The following CNTNAP5 variants were observed in gnomAD, a reference collection of about 807,000 sequenced individuals.
CNTNAP5 encodes contactin associated protein family member 5.
Under a neutral mutation model 150.2 loss-of-function variants are expected in CNTNAP5, and 72 were observed. That is an observed-to-expected ratio of 0.48 (90% CI 0.40 to 0.58). The LOEUF is 0.58. Among genes scored for constraint, CNTNAP5 ranks in the 20% least tolerant of loss-of-function variants. The pLI, the probability that CNTNAP5 is intolerant of heterozygous loss-of-function variation, is 0.00. For synonymous variants in CNTNAP5, 672 were observed against 619.8 expected (o/e 1.08, Z -1.25); for missense variants, 1,636 against 1,626.2 (o/e 1.01, Z -0.10).
At chr2:124,073,203 A>G (rs955474124) in intron 1 of CNTNAP5, among the ~76,000 whole-genome samples, 4 of 152,038 alleles carry the variant, frequency 2.6e-5, no homozygotes, top group African/African-American at 9.7e-5. Flanking sequence ...TACGCAAAAA[A>G]TCCAATCAAA....
At chr2:124,568,497 A>G (rs1050796353) in intron 11 of CNTNAP5, among the ~76,000 whole-genome samples, 9 of 152,370 alleles carry the variant, frequency 5.9e-5, no homozygotes, top group Middle Eastern at 3.4e-3. Flanking sequence ...ACTTTCCCCT[A>G]GAGAATACTG....
chr2:124,128,488 T>G (rs548544697), intron 1 of CNTNAP5, among the ~76,000 whole-genome samples: 12 of 152,324 alleles, frequency 7.9e-5, no homozygotes, highest in Admixed American at 2.0e-4. Flanking sequence ...TAAACCATTG[T>G]GGAAGACAGT....
intron 22 of CNTNAP5, among the ~76,000 whole-genome samples, chr2:124,910,719 T>C (rs370506198): frequency 2.6e-5 from 4 of 152,054 alleles, no homozygotes; most frequent in African/African-American, 9.7e-5. Context: ...ACAATACTCA[T>C]GTTGTAGTCA....
Position 124,382,519 on chromosome 2 carries a change from T to A in CNTNAP5, c.382-34924T>A, listed in dbSNP as rs533368061. On this transcript the variant is annotated intron_variant, in intron 3 of 23. Coordinates refer to ENST00000682447, the MANE Select transcript of CNTNAP5 (RefSeq NM_001367498.1). ...TGTACTCCTCTTTCCAGCTTCATGA[T>A]GTTGGAAAAAGCAGCTTAAATACTT... Among the ~76,000 whole-genome samples the A allele has an allele frequency of 1.6e-3, 247 of 152,266 alleles. 3 individuals carry two copies. The highest frequency in any genetic ancestry group is 3.2e-3 in the Non-Finnish European group (215 of 68,022).
intron 13 of CNTNAP5, among the ~76,000 whole-genome samples, chr2:124,744,765 T>C (rs1034824201): frequency 6.6e-6 from 1 of 152,190 alleles, no homozygotes; most frequent in African/African-American, 2.4e-5. Context: ...GTGTTTTTTC[T>C]TCCTGACTAC....
intron 1 of CNTNAP5, among the ~76,000 whole-genome samples, chr2:124,151,092 T>G (rs1684395866): frequency 6.6e-6 from 1 of 152,082 alleles, no homozygotes. Flanking sequence ...CCTAACACGG[T>G]CTAGGATTTG....
intron 21 of CNTNAP5, among the ~76,000 whole-genome samples, chr2:124,873,198 A>C (rs564004388): frequency 6.6e-6 from 1 of 152,056 alleles, no homozygotes; most frequent in Admixed American, 6.6e-5. Context: ...CAGAGCAGGA[A>C]GAAGAGCGAG....
intron 16 of CNTNAP5, among the ~76,000 whole-genome samples, chr2:124,765,434 T>G (rs755887915): frequency 6.7e-6 from 1 of 149,986 alleles, no homozygotes. Context: ...ATTATACAGA[T>G]GAAAAATGAG....
Position 124,438,597 on chromosome 2 carries a change from G to A in CNTNAP5, c.733+3910G>A, listed in dbSNP as rs570601528. ...TGGGGGCCGAGTACAGGGTTCAGGC[G>A]CCAAAGCATGTGATTGCATAATCAA... On this transcript the variant is annotated intron_variant, in intron 5 of 23. Coordinates refer to ENST00000682447, the MANE Select transcript of CNTNAP5 (RefSeq NM_001367498.1). Among the ~76,000 whole-genome samples, 30 of 152,178 alleles carry A rather than the reference G, an allele frequency of 2.0e-4. No individual in the cohort carries two copies. The East Asian group carries it at 5.0e-3, about 25-fold the overall frequency.
At position 124,750,977 on chromosome 2, in the gene CNTNAP5, C is replaced by T. The variant is rs1470743093; in HGVS notation, c.2234+3592C>T. Among the ~76,000 whole-genome samples the T allele has an allele frequency of 1.2e-4, 12 of 100,584 alleles. No individual in the cohort carries two copies. In the Admixed American group the frequency reaches 1.2e-3, roughly 10 times the overall value. 66.0% of individuals were successfully genotyped at this position (100,584 alleles called of 152,430 possible). ...CCAGCCTAGTGACAGATTGAGACTC[C>T]ATCTCAAAAAAAAAAAAAAAAAAAA... On this transcript the variant is annotated intron_variant, in intron 14 of 23. Coordinates refer to ENST00000682447, the MANE Select transcript of CNTNAP5 (RefSeq NM_001367498.1).
intron 13 of CNTNAP5, among the ~76,000 whole-genome samples, chr2:124,736,683 A>G (rs978662128): frequency 1.3e-5 from 2 of 152,214 alleles, no homozygotes; most frequent in Non-Finnish European, 2.9e-5. Flanking sequence ...TTCAATGATA[A>G]CCTAAAATGG....
At chr2:124,725,924 G>T (rs567052017) in intron 13 of CNTNAP5, among the ~76,000 whole-genome samples, 1 of 152,004 alleles carries the variant, frequency 6.6e-6, no homozygotes, top group South Asian at 2.1e-4. Flanking sequence ...ATTTCATTAT[G>T]TATTGTGTAT....
intron 1 of CNTNAP5, among the ~76,000 whole-genome samples, chr2:124,127,200 C>A (rs1683728056): frequency 6.6e-6 from 1 of 152,180 alleles, no homozygotes; most frequent in Non-Finnish European, 1.5e-5. Context: ...TGATAAGCAA[C>A]TTCAGCAAAG....
intron 3 of CNTNAP5, among the ~76,000 whole-genome samples, chr2:124,277,012 G>A (rs1024424111): frequency 4.6e-5 from 7 of 152,032 alleles, no homozygotes; most frequent in Admixed American, 1.3e-4. Context: ...TATTAGATGG[G>A]GGAGGTGAAT....
intron 3 of CNTNAP5, among the ~76,000 whole-genome samples, chr2:124,382,296 G>A (rs1443516153): frequency 6.6e-6 from 1 of 152,118 alleles, no homozygotes; most frequent in South Asian, 2.1e-4. Flanking sequence ...ATGGGTAGAT[G>A]AGGTAGTTCT....
intron 1 of CNTNAP5, among the ~76,000 whole-genome samples, chr2:124,175,615 ATTG>A (rs1192275147): frequency 6.6e-6 from 1 of 151,984 alleles, no homozygotes; most frequent in Non-Finnish European, 1.5e-5. Flanking sequence ...CCCATTCTCT[ATTG>A]TTCTCATCTT....
chr2:124,380,082 T>A lies in CNTNAP5; in HGVS notation c.382-37361T>A, dbSNP rs1690749491. 2.0e-5 allele frequency among the ~76,000 whole-genome samples: 3 copies of A among 152,158 alleles called. No homozygotes were observed. In the East Asian group the frequency reaches 5.8e-4, roughly 29 times the overall value. On this transcript the variant is annotated intron_variant, in intron 3 of 23. Transcript: ENST00000682447. ...TATCTAAAACTATTTTCCTAGTTAT[T>A]AATTTACTGTTATAATTAATCAGAT...
At chr2:124,503,007 G>GT (rs1332556021) in intron 7 of CNTNAP5, among the ~76,000 whole-genome samples, 3 of 152,296 alleles carry the variant, frequency 2.0e-5, no homozygotes, top group Non-Finnish European at 2.9e-5. Context: ...AGATATGTAT[G>GT]TAAGTGCCTA....
intron 10 of CNTNAP5, among the ~76,000 whole-genome samples, chr2:124,553,035 TA>T (rs371727645): frequency 0.98 from 149,063 of 152,310 alleles, 73,038 homozygotes; most frequent in East Asian, 1. Context: ...TGGGACATTA[TA>T]TTCTATTTCT....
Sources: allele counts gnomAD v4.1 joint callset (sites outside exome capture counted in the v4.1 genomes callset), GRCh38; gene constraint gnomAD v4.1.1; transcripts MANE v1.5; gene names NCBI Gene and HGNC (gene_info 2026-07-23, HGNC 2026-07-21).